Variants in SLC3A2 observed in about 807,000 individuals in gnomAD.
SLC3A2 encodes amino acid transporter heavy chain SLC3A2.
In SLC3A2, 32 loss-of-function variants were observed where a neutral mutation model predicts 48.5. That is an observed-to-expected ratio of 0.66 (90% confidence interval 0.50 to 0.89). The LOEUF (loss-of-function observed/expected upper bound fraction) is 0.89, where lower values mean the gene tolerates loss of function less well. Ranked by LOEUF, SLC3A2 falls within the 40% of genes least tolerant of loss-of-function variation. The pLI, the probability that SLC3A2 is intolerant of heterozygous loss-of-function variation, is 0.00. For synonymous variants in SLC3A2, 277 were observed against 288.8 expected (o/e 0.96, Z 0.41); for missense variants, 587 against 680.7 (o/e 0.86, Z 1.53).
At chr11:62,882,729 A>G (rs1016553598) in intron 2 of SLC3A2, 179 bp from the exon 3 acceptor site, 1 of 601,756 alleles carries the variant, frequency 1.7e-6, no homozygotes, top group Non-Finnish European at 3.0e-6. Context: ...GCCTTCCCAT[A>G]TCTTAAGGCC....
intron 7 of SLC3A2, chr11:62,887,861 T>C (rs770130080): frequency 7.3e-5 from 25 of 340,290 alleles, no homozygotes; most frequent in Non-Finnish European, 1.1e-4. Flanking sequence ...GGTGGAGTCA[T>C]GGCTCACTGC....
chr11:62,887,837 G>C (rs1320509611), intron 7 of SLC3A2: 2 of 253,044 alleles, frequency 7.9e-6, no homozygotes, highest in Non-Finnish European at 1.5e-5. Context: ...CTGTTGCCCA[G>C]GCTGGAGTAC....
intron 1 of SLC3A2, chr11:62,871,484 C>T: frequency 4.6e-6 from 2 of 432,554 alleles, no homozygotes; most frequent in Non-Finnish European, 8.1e-6. Flanking sequence ...AGGTTATCCG[C>T]CCGTCTCGGC....
upstream of SLC3A2, among the ~76,000 whole-genome samples, chr11:62,879,957 AC>A (rs1460442962): frequency 6.6e-6 from 1 of 152,184 alleles, no homozygotes; most frequent in African/African-American, 2.4e-5. Flanking sequence ...GGGAGACAGG[AC>A]CTTGGGGGAG....
At chr11:62,867,970 G>A (rs933202394) in intron 1 of SLC3A2, among the ~76,000 whole-genome samples, 23 of 151,926 alleles carry the variant, frequency 1.5e-4, no homozygotes, top group African/African-American at 5.3e-4. Context: ...CGCCCAGGCT[G>A]GAGTGCAATA....
intron 1 of SLC3A2, among the ~76,000 whole-genome samples, chr11:62,861,381 T>TG (rs1227232954): frequency 1.3e-5 from 2 of 152,156 alleles, no homozygotes; most frequent in East Asian, 3.8e-4. Context: ...AGCAATCCTC[T>TG]GGGCTGAGCT....
intron 1 of SLC3A2, among the ~76,000 whole-genome samples, chr11:62,871,386 C>CA (rs1447236180): frequency 6.9e-4 from 104 of 151,416 alleles, no homozygotes; most frequent in African/African-American, 2.4e-3. Context: ...TTTCAGGCAC[C>CA]CGCCACCATG....
chr11:62,881,038 C>A lies in SLC3A2; in HGVS notation c.15C>A (p.Thr5=). Residue 5 remains threonine, a synonymous_variant, in exon 1 of 9, where the codon ACC becomes ACA. Coordinates refer to ENST00000338663, the MANE Select transcript of SLC3A2 (RefSeq NM_001013251.3). The surrounding 1 kb of genome is among the most constrained non-coding windows in gnomAD (Gnocchi z 4.0). ...CTGCAGGCACCATGAGCCAGGACACCGAGGTGGATATGAAGGAGGTGGAGC... is the reference window on the plus strand; with the variant it reads ...CTGCAGGCACCATGAGCCAGGACACAGAGGTGGATATGAAGGAGGTGGAGC... MSQD[T]EVDMKEVELN... is the part of the protein sequence containing the mutation. 2 of 1,575,812 alleles carry A rather than the reference C, an allele frequency of 1.3e-6. No individual in the cohort carries two copies. The highest frequency in any genetic ancestry group is 1.7e-6 in the Non-Finnish European group (2 of 1,158,128).
chr11:62,871,731 G>A (rs1018363429), intron 1 of SLC3A2: 10 of 508,246 alleles, frequency 2.0e-5, no homozygotes, highest in Middle Eastern at 4.4e-4. Flanking sequence ...TTAAAAATAC[G>A]ATTTTTTTTC....
intron 1 of SLC3A2, among the ~76,000 whole-genome samples, chr11:62,875,298 G>A (rs1486640715): frequency 6.6e-6 from 1 of 152,132 alleles, no homozygotes; most frequent in Non-Finnish European, 1.5e-5. Context: ...TGTAATCCCA[G>A]CACTTTGGGA....
Position 62,888,708 on chromosome 11 carries a change from G to T in SLC3A2, c.*15G>T, listed in dbSNP as rs1213274075. Reference sequence around the variant, plus strand: ...ACGCGGCCTGACTTCAGCCTGACATGGACCCACTACCCTTCTCCTTTCCTT... The same window carrying T: ...ACGCGGCCTGACTTCAGCCTGACATTGACCCACTACCCTTCTCCTTTCCTT... On this transcript the variant is annotated 3_prime_UTR_variant, in exon 9 of 9. Transcript: ENST00000338663. 2 of 1,572,514 alleles carry T rather than the reference G, an allele frequency of 1.3e-6. No individual in the cohort carries two copies. The highest frequency in any genetic ancestry group is 1.7e-6 in the Non-Finnish European group (2 of 1,163,194).
At chr11:62,872,131 G>C (rs930130786) in intron 1 of SLC3A2, among the ~76,000 whole-genome samples, 4 of 152,044 alleles carry the variant, frequency 2.6e-5, no homozygotes, top group Non-Finnish European at 5.9e-5. Flanking sequence ...TAGCCAGGAT[G>C]GTCTCGATCT....
chr11:62,863,583 C>T lies in SLC3A2; in HGVS notation c.112+7202C>T, dbSNP rs928413527. On this transcript the variant is annotated intron_variant, in intron 1 of 9. Transcript: ENST00000377889. ...CAGGGAAGAGGTGCTTTTACAACTG[C>T]AGTGGGTAACATGGGTATCTGGGCT... 2.0e-5 allele frequency among the ~76,000 whole-genome samples: 3 copies of T among 152,318 alleles called. No homozygotes were observed. In the East Asian group the frequency reaches 5.8e-4, roughly 29 times the overall value.
At chr11:62,872,756 C>T (rs1173129815) in intron 1 of SLC3A2, among the ~76,000 whole-genome samples, 1 of 152,160 alleles carries the variant, frequency 6.6e-6, no homozygotes, top group Admixed American at 6.5e-5. Flanking sequence ...GCATGTGCCA[C>T]CACACCTGGC....
At chr11:62,860,455 C>CAA (rs775568814) in intron 1 of SLC3A2, among the ~76,000 whole-genome samples, 2 of 106,118 alleles carry the variant, frequency 1.9e-5, no homozygotes, top group Non-Finnish European at 4.0e-5. Flanking sequence ...GACTCTGTCT[C>CAA]AAAAAAAAAA....
intron 7 of SLC3A2, 86 bp downstream of exon 7, chr11:62,885,694 G>A (rs2085704589): frequency 1.4e-6 from 2 of 1,468,442 alleles, no homozygotes; most frequent in Non-Finnish European, 1.9e-6. Flanking sequence ...ATAGACGTGA[G>A]CCTTGGGGTG....
intron 1 of SLC3A2, among the ~76,000 whole-genome samples, chr11:62,860,731 G>C (rs2085390429): frequency 6.6e-6 from 1 of 152,168 alleles, no homozygotes; most frequent in African/African-American, 2.4e-5. Flanking sequence ...TGTCTCAGTG[G>C]AGAGAAACCT....
intron 1 of SLC3A2, among the ~76,000 whole-genome samples, chr11:62,869,843 C>A (rs1324693458): frequency 6.7e-6 from 1 of 149,374 alleles, no homozygotes. Flanking sequence ...AGTGCAGTGG[C>A]GCGATCTCGG....
At chr11:62,859,891 G>A (rs1353716101) in intron 1 of SLC3A2, among the ~76,000 whole-genome samples, 2 of 152,248 alleles carry the variant, frequency 1.3e-5, no homozygotes, top group Non-Finnish European at 1.5e-5. Flanking sequence ...GGTGGGACGA[G>A]AGACTGAGAA....
Sources: gnomAD v4.1 joint callset for allele counts (sites outside exome capture counted in the v4.1 genomes callset) on GRCh38, gnomAD v4.1.1 for gene constraint, Gnocchi (gnomAD v3.1) non-coding constraint, MANE v1.5 for transcripts, NCBI Gene and HGNC (gene_info 2026-07-23, HGNC 2026-07-21) for gene names.